Variants in LRFN5 observed in about 807,000 individuals in gnomAD.
LRFN5 encodes the protein leucine rich repeat and fibronectin type III domain containing 5.
LRFN5 carries 24 observed loss-of-function variants against 45.6 expected under a neutral mutation model. The observed-to-expected ratio is 0.53, with a 90% CI of 0.38 to 0.74. The LOEUF is 0.74. Among genes scored for constraint, LRFN5 ranks in the 30% least tolerant of loss-of-function variants. The pLI, the probability that LRFN5 is intolerant of heterozygous loss-of-function variation, is 0.00. For synonymous variants in LRFN5, 340 were observed against 313.8 expected, an observed-to-expected ratio of 1.08 and a Z score of -0.88; for missense variants, 776 against 861.5, an observed-to-expected ratio of 0.90 and a Z score of 1.24.
chr14:41,710,396 A>T (rs1000851785), intron 1 of LRFN5, among the ~76,000 whole-genome samples: 1 of 152,066 alleles, frequency 6.6e-6, no homozygotes, highest in South Asian at 2.1e-4. Context: ...TATTTTTCTT[A>T]ATCTTTTTTG....
At position 41,887,033 on chromosome 14, in the gene LRFN5, T is replaced by C. The variant is rs913231404; in HGVS notation, c.408T>C (p.Thr136=). 6.2e-6 allele frequency: 10 copies of C among 1,614,202 alleles called. No homozygotes were observed. The highest frequency in any genetic ancestry group is 8.5e-6 in the Non-Finnish European group (10 of 1,180,034). ...TGATACTGAACAACAATCAGCTGACTTTAATTTCCTCTACAGCGTTTGATG... is the reference window on the plus strand; with the variant it reads ...TGATACTGAACAACAATCAGCTGACCTTAATTTCCTCTACAGCGTTTGATG... ...HHLILNNNQL[T]LISSTAFDDV... Residue 136 remains threonine, a synonymous_variant, in exon 3 of 6, where the codon ACT becomes ACC. Transcript: ENST00000298119. The surrounding 1 kb of genome is among the most constrained non-coding windows in gnomAD (Gnocchi z 4.8).
chr14:41,703,097 G>A (rs1882905568), intron 1 of LRFN5, among the ~76,000 whole-genome samples: 1 of 152,122 alleles, frequency 6.6e-6, no homozygotes, highest in Admixed American at 6.6e-5. Flanking sequence ...AGACTGCAGT[G>A]TAGCTATCAA....
intron 4 of LRFN5, chr14:41,894,920 G>A (rs1478495250): frequency 2.0e-6 from 2 of 983,598 alleles, no homozygotes; most frequent in South Asian, 9.4e-5. Flanking sequence ...GTGATCTGAA[G>A]CATCTGGTTT....
intron 2 of LRFN5, among the ~76,000 whole-genome samples, chr14:41,801,432 C>G (rs902124613): frequency 6.6e-6 from 1 of 152,138 alleles, no homozygotes; most frequent in Admixed American, 6.6e-5. Flanking sequence ...TTTTAGTCAT[C>G]ATGCCTACCT....
intron 1 of LRFN5, among the ~76,000 whole-genome samples, chr14:41,674,498 CG>C (rs1295781415): frequency 1.7e-4 from 24 of 141,096 alleles, no homozygotes; most frequent in African/African-American, 2.7e-5. Flanking sequence ...GCTGGCCGGG[CG>C]GGGGGCTGAC....
At chr14:41,615,936 T>A (rs562270456) in intron 1 of LRFN5, among the ~76,000 whole-genome samples, 13 of 152,110 alleles carry the variant, frequency 8.5e-5, no homozygotes, top group Non-Finnish European at 1.9e-4. Flanking sequence ...ATCTTTTGAA[T>A]TACAAACAAT....
At chr14:41,747,764 A>G (rs1357341337) in intron 1 of LRFN5, among the ~76,000 whole-genome samples, 3 of 152,034 alleles carry the variant, frequency 2.0e-5, no homozygotes, top group Non-Finnish European at 4.4e-5. Flanking sequence ...GAAATTATAT[A>G]TATGACAAGT....
At chr14:41,900,617 C>G (rs1249521254) in intron 5 of LRFN5, among the ~76,000 whole-genome samples, 1 of 152,066 alleles carries the variant, frequency 6.6e-6, no homozygotes, top group Non-Finnish European at 1.5e-5. Context: ...TAAAACAAAT[C>G]CAAAGACAAA....
At chr14:41,645,448 T>C (rs1181416353) in intron 1 of LRFN5, among the ~76,000 whole-genome samples, 1 of 152,218 alleles carries the variant, frequency 6.6e-6, no homozygotes. Flanking sequence ...TTGGCCAGGC[T>C]GGTTTCCAGC....
At chr14:41,657,626 T>C (rs1880441568) in intron 1 of LRFN5, among the ~76,000 whole-genome samples, 1 of 152,014 alleles carries the variant, frequency 6.6e-6, no homozygotes, top group Non-Finnish European at 1.5e-5. Flanking sequence ...TGAGAAATAG[T>C]CAAAGCCATT....
intron 2 of LRFN5, among the ~76,000 whole-genome samples, chr14:41,866,269 C>A (rs1247523521): frequency 6.6e-6 from 1 of 152,058 alleles, no homozygotes; most frequent in Non-Finnish European, 1.5e-5. Context: ...GGAATTCTGA[C>A]AATTATAGAT....
At chr14:41,652,556 A>C (rs1307560791) in intron 1 of LRFN5, among the ~76,000 whole-genome samples, 2 of 152,194 alleles carry the variant, frequency 1.3e-5, no homozygotes, top group African/African-American at 4.8e-5. Context: ...GAAGAGAATA[A>C]AATAGAAAAA....
chr14:41,839,316 A>ATTT (rs35085055), intron 2 of LRFN5, among the ~76,000 whole-genome samples: 9 of 150,638 alleles, frequency 6.0e-5, no homozygotes, highest in Non-Finnish European at 8.8e-5. Context: ...ATAAGAGTAG[A>ATTT]TTTTTTTTAA....
intron 1 of LRFN5, among the ~76,000 whole-genome samples, chr14:41,733,198 A>T (rs1884257550): frequency 1.3e-5 from 2 of 152,184 alleles, no homozygotes; most frequent in Non-Finnish European, 2.9e-5. Context: ...ATTTGATGAA[A>T]GACATAAATA....
At chr14:41,730,007 T>G (rs1349195544) in intron 1 of LRFN5, among the ~76,000 whole-genome samples, 1 of 151,982 alleles carries the variant, frequency 6.6e-6, no homozygotes, top group East Asian at 1.9e-4. Flanking sequence ...GTATATAAAC[T>G]GCAACCTAAA....
At chr14:41,865,515 A>G (rs1889809781) in intron 2 of LRFN5, among the ~76,000 whole-genome samples, 1 of 152,194 alleles carries the variant, frequency 6.6e-6, no homozygotes, top group Admixed American at 6.5e-5. Flanking sequence ...CATAATGAGT[A>G]ATATTGCTCT....
intron 1 of LRFN5, among the ~76,000 whole-genome samples, chr14:41,726,600 C>T (rs1056807728): frequency 1.3e-5 from 2 of 151,924 alleles, no homozygotes; most frequent in African/African-American, 4.8e-5. Flanking sequence ...ATACCTACTC[C>T]ATGAACAAAA....
At chr14:41,840,330 GT>G (rs1487144883) in intron 2 of LRFN5, among the ~76,000 whole-genome samples, 2 of 151,858 alleles carry the variant, frequency 1.3e-5, no homozygotes, top group African/African-American at 4.8e-5. Context: ...AAAACTCTTT[GT>G]TCTCTTATAA....
At chr14:41,866,766 A>C (rs2139109365) in intron 2 of LRFN5, among the ~76,000 whole-genome samples, 1 of 152,272 alleles carries the variant, frequency 6.6e-6, no homozygotes, top group East Asian at 1.9e-4. Flanking sequence ...TCACATAATT[A>C]ACAAGTTGCA....
Sources: allele counts gnomAD v4.1 joint callset (sites outside exome capture counted in the v4.1 genomes callset), GRCh38; gene constraint gnomAD v4.1.1; non-coding constraint Gnocchi (gnomAD v3.1); transcripts MANE v1.5; gene names NCBI Gene and HGNC (gene_info 2026-07-23, HGNC 2026-07-21).